The following HACD2 variants were observed in gnomAD, a reference collection of about 807,000 sequenced individuals.
The protein encoded by HACD2 is very-long-chain (3R)-3-hydroxyacyl-CoA dehydratase 2.
Under a neutral mutation model 31.0 loss-of-function variants are expected in HACD2, and 15 were observed. That is an observed-to-expected ratio of 0.48 (90% CI 0.32 to 0.75). HACD2 has a LOEUF of 0.75. Among genes scored for constraint, HACD2 ranks in the 30% least tolerant of loss-of-function variants. The pLI, the probability that HACD2 is intolerant of heterozygous loss-of-function variation, is 0.03. For missense variants in HACD2, 283 were observed against 313.0 expected (o/e 0.90, Z 0.72); for synonymous variants, 115 against 122.2 (o/e 0.94, Z 0.39).
chr3:123,512,617 T>C (rs2056077695), intron 4 of HACD2, among the ~76,000 whole-genome samples: 1 of 152,208 alleles, frequency 6.6e-6, no homozygotes, highest in Middle Eastern at 3.4e-3. Context: ...GAAAACCAGT[T>C]ACATGGAGCA....
intron 2 of HACD2, among the ~76,000 whole-genome samples, 190 bp from the exon 3 acceptor site, chr3:123,567,970 T>C (rs573284830): frequency 6.6e-6 from 1 of 152,324 alleles, no homozygotes; most frequent in African/African-American, 2.4e-5. Context: ...TTGTTCAGTT[T>C]TGTTTGTTTG....
chr3:123,562,826 C>G (rs1237282272), intron 3 of HACD2, among the ~76,000 whole-genome samples: 1 of 152,154 alleles, frequency 6.6e-6, no homozygotes, highest in African/African-American at 2.4e-5. Flanking sequence ...AAATAAGTTT[C>G]TGAAGACTAA....
chr3:123,575,418 A>G (rs1006462680), intron 2 of HACD2, among the ~76,000 whole-genome samples: 6 of 152,124 alleles, frequency 3.9e-5, no homozygotes, highest in African/African-American at 1.4e-4. Context: ...CTCCTGACCA[A>G]AAGTAAATAA....
At chr3:123,542,758 G>C (rs1346379974) in intron 3 of HACD2, among the ~76,000 whole-genome samples, 1 of 152,202 alleles carries the variant, frequency 6.6e-6, no homozygotes, top group Non-Finnish European at 1.5e-5. Flanking sequence ...GTGAATACAA[G>C]ATGAGCCGAA....
chr3:123,551,340 C>T (rs545826318), intron 3 of HACD2, among the ~76,000 whole-genome samples: 2 of 152,126 alleles, frequency 1.3e-5, no homozygotes, highest in South Asian at 4.2e-4. Context: ...AAATATAGGC[C>T]GGGCACGGTG....
At chr3:123,505,892 C>T (rs374698127) in intron 4 of HACD2, among the ~76,000 whole-genome samples, 6 of 152,326 alleles carry the variant, frequency 3.9e-5, no homozygotes, top group African/African-American at 7.2e-5. Context: ...ACAAACCAGG[C>T]GACTAATCAC....
At chr3:123,559,040 T>G in intron 3 of HACD2, among the ~76,000 whole-genome samples, 1 of 152,252 alleles carries the variant, frequency 6.6e-6, no homozygotes, top group East Asian at 1.9e-4. Flanking sequence ...ATCAGGGCAA[T>G]GTAGACAGCT....
intron 6 of HACD2, among the ~76,000 whole-genome samples, chr3:123,497,999 T>A (rs1439482892): frequency 6.6e-6 from 1 of 152,232 alleles, no homozygotes; most frequent in African/African-American, 2.4e-5. Context: ...TTTCTTCTGA[T>A]AAATACAAAG....
At chr3:123,516,051 C>T (rs926494573) in intron 4 of HACD2, among the ~76,000 whole-genome samples, 3 of 151,508 alleles carry the variant, frequency 2.0e-5, no homozygotes, top group Non-Finnish European at 4.4e-5. Context: ...TGAGCCACCG[C>T]GCCTGGCCTA....
Position 123,580,854 on chromosome 3 carries a change from T to TTTA in HACD2, c.273+1357_273+1358insTAA, listed in dbSNP as rs1491471382. Among the ~76,000 whole-genome samples the TTTA allele has an allele frequency of 4.6e-4, 4 of 8,750 alleles. 1 individual carries two copies. Among genetic ancestry groups the TTTA allele is most frequent in the African/African-American group, 4.1e-3 (4 of 964 alleles). 5.7% of individuals were successfully genotyped at this position (8,750 alleles called of 152,430 possible). On this transcript the variant is annotated intron_variant, in intron 2 of 6. Transcript: ENST00000383657. ...ACACTTCATTTCATGAGATAAAGAA[T>TTTA]TTTTTTTTTTTTTTTTTTTGAGACA...
intron 3 of HACD2, among the ~76,000 whole-genome samples, chr3:123,529,667 C>T (rs917219342): frequency 8.5e-5 from 13 of 152,142 alleles, no homozygotes; most frequent in Non-Finnish European, 1.9e-4. Context: ...GTTGAGGCTG[C>T]AGTGAGCTGT....
intron 3 of HACD2, among the ~76,000 whole-genome samples, chr3:123,551,364 A>G (rs2056618108): frequency 6.6e-6 from 1 of 152,136 alleles, no homozygotes; most frequent in African/African-American, 2.4e-5. Flanking sequence ...CACACTTGTA[A>G]TCCCAGCACT....
At chr3:123,580,044 A>G (rs550332021) in intron 2 of HACD2, among the ~76,000 whole-genome samples, 1 of 152,222 alleles carries the variant, frequency 6.6e-6, no homozygotes, top group East Asian at 1.9e-4. Context: ...CTGGAAGCTC[A>G]TTTCATCATA....
At chr3:123,567,444 C>T (rs992918932) in intron 3 of HACD2, among the ~76,000 whole-genome samples, 9 of 152,104 alleles carry the variant, frequency 5.9e-5, no homozygotes. Flanking sequence ...CAACACAGCC[C>T]AGCACCAGAA....
chr3:123,521,877 C>G (rs1228740732), intron 4 of HACD2, among the ~76,000 whole-genome samples: 1 of 152,124 alleles, frequency 6.6e-6, no homozygotes, highest in African/African-American at 2.4e-5. Context: ...CTTTCTCTTT[C>G]TTTTACATGT....
intron 4 of HACD2, among the ~76,000 whole-genome samples, chr3:123,513,995 C>A (rs1268179828): frequency 3.3e-5 from 5 of 152,142 alleles, no homozygotes; most frequent in African/African-American, 1.2e-4. Context: ...CAAAGAGAGG[C>A]TGAATATGGT....
rs1171763253 is a variant in HACD2 at position 123,584,854 on chromosome 3, C to T, written c.155+19G>A. On this transcript the variant is annotated intron_variant, in intron 1 of 6. Transcript: ENST00000383657. Reference sequence around the variant, plus strand: ...CCCCGGCCGCGCTGGCTCCCCGCCTCCCCGAGCCCCAGCCTCACCCGGCTG... The same window carrying T: ...CCCCGGCCGCGCTGGCTCCCCGCCTTCCCGAGCCCCAGCCTCACCCGGCTG... 8 of 1,482,696 alleles carry T rather than the reference C, an allele frequency of 5.4e-6. No homozygotes were observed. Among genetic ancestry groups the T allele is most frequent in the Middle Eastern group, 4.1e-4 (2 of 4,844 alleles). The allele number at this position is 1,482,696 out of a possible 1,614,324, so 91.8% of individuals were successfully genotyped here.
At chr3:123,554,327 T>C (rs2056650949) in intron 3 of HACD2, among the ~76,000 whole-genome samples, 1 of 151,854 alleles carries the variant, frequency 6.6e-6, no homozygotes, top group Admixed American at 6.6e-5. Flanking sequence ...ACTAAGGGCA[T>C]TTAAAAAGAT....
intron 1 of HACD2, among the ~76,000 whole-genome samples, chr3:123,583,364 C>T (rs1021593713): frequency 6.6e-6 from 1 of 152,078 alleles, no homozygotes; most frequent in African/African-American, 2.4e-5. Context: ...ATGCCCTCAC[C>T]GGCTCTTGCT....
Sources: gnomAD v4.1 joint callset for allele counts (sites outside exome capture counted in the v4.1 genomes callset) on GRCh38, gnomAD v4.1.1 for gene constraint, MANE v1.5 for transcripts, NCBI Gene and HGNC (gene_info 2026-07-23, HGNC 2026-07-21) for gene names.